ZNF326: variants seen among roughly 807,000 people sequenced by gnomAD.
ZNF326 encodes the protein zinc finger protein 326.
In ZNF326, 30 loss-of-function variants were observed where a neutral mutation model predicts 63.1. The observed-to-expected ratio is 0.48, with a 90% CI of 0.36 to 0.64. The LOEUF is 0.64. Among genes scored for constraint, ZNF326 ranks in the 30% least tolerant of loss-of-function variants. ZNF326 has a pLI of 0.00. For synonymous variants in ZNF326, 194 were observed against 228.2 expected, an observed-to-expected ratio of 0.85 and a Z score of 1.35; for missense variants, 609 against 720.3, an observed-to-expected ratio of 0.85 and a Z score of 1.77.
intron 7 of ZNF326, among the ~76,000 whole-genome samples, chr1:90,016,521 G>C (rs767508161): frequency 3.3e-5 from 5 of 151,984 alleles, no homozygotes; most frequent in Non-Finnish European, 7.4e-5. Flanking sequence ...TTCAAGACCA[G>C]CCTGGCCAAG....
rs1648291125 is a variant in ZNF326 at position 89,995,280 on chromosome 1, G to A, written c.16+7G>A. ...GCCATGGACTTCGAGGACGGTAAGCGCTGCCTCTGGCTGGTCGGCGCAGCT... is the reference window on the plus strand; with the variant it reads ...GCCATGGACTTCGAGGACGGTAAGCACTGCCTCTGGCTGGTCGGCGCAGCT... On this transcript the variant is annotated splice_region_variant and intron_variant, in intron 1 of 11. Transcript: ENST00000340281. 1.3e-6 allele frequency: 2 copies of A among 1,549,668 alleles called. No individual in the cohort carries two copies. Among genetic ancestry groups the A allele is most frequent in the Admixed American group, 1.9e-5 (1 of 51,718 alleles).
At position 90,033,929 on chromosome 1, in the gene ZNF326, AGAAGT is replaced by A. The variant is rs966054072; in HGVS notation, c.*6233_*6237del. Reference sequence around the variant, plus strand: ...TAGAGGAGTTCCAGAAAGTGAAAAAAGAAGTGAAGAATAGGAAAAAAAAAAAAATC... The same window carrying A: ...TAGAGGAGTTCCAGAAAGTGAAAAAAGAAGAATAGGAAAAAAAAAAAAATC... On this transcript the variant is annotated 3_prime_UTR_variant, in exon 12 of 12. Coordinates refer to ENST00000340281, the MANE Select transcript of ZNF326 (RefSeq NM_182976.4). 15 of 148,742 alleles carry A rather than the reference AGAAGT, an allele frequency of 1.0e-4. No individual in the cohort carries two copies. The highest frequency in any genetic ancestry group is 3.1e-4 in the African/African-American group (12 of 38,336). 9.2% of individuals were successfully genotyped at this position (148,742 alleles called of 1,614,324 possible). A position where few individuals can be genotyped will look rare whatever the true frequency, so the allele number is the denominator to read the frequency against.
At chr1:90,014,845 TTTAAA>T (rs1216747723) in intron 7 of ZNF326, among the ~76,000 whole-genome samples, 5 of 152,172 alleles carry the variant, frequency 3.3e-5, no homozygotes, top group Admixed American at 1.3e-4. Context: ...TAGAAATGAC[TTTAAA>T]TTATCAGCGT....
At chr1:90,006,135 T>G (rs1045089561) in intron 4 of ZNF326, 2 of 985,324 alleles carry the variant, frequency 2.0e-6, no homozygotes, top group Non-Finnish European at 2.4e-6. Flanking sequence ...CTGCTTCCAG[T>G]GTACCACTAT....
chr1:90,017,806 G>A (rs1466785537), intron 8 of ZNF326, among the ~76,000 whole-genome samples: 1 of 152,132 alleles, frequency 6.6e-6, no homozygotes, highest in African/African-American at 2.4e-5. Flanking sequence ...TTTTTATCAT[G>A]AAAGATTATG....
At chr1:90,022,413 T>A in intron 11 of ZNF326, 68 bp downstream of exon 11, 1 of 1,141,878 alleles carries the variant, frequency 8.8e-7, no homozygotes, top group Non-Finnish European at 1.3e-6. Flanking sequence ...GGTGACATAG[T>A]AACCTTTTGT....
Position 90,030,965 on chromosome 1 carries a change from A to T in ZNF326, c.*3264A>T, listed in dbSNP as rs2101107986. 1 of 152,312 alleles carries T rather than the reference A, an allele frequency of 6.6e-6. No homozygotes were observed. The highest frequency in any genetic ancestry group is 3.4e-3 in the Middle Eastern group (1 of 296). 9.4% of individuals were successfully genotyped at this position (152,312 alleles called of 1,614,324 possible). A position where few individuals can be genotyped will look rare whatever the true frequency, so the allele number is the denominator to read the frequency against. On this transcript the variant is annotated 3_prime_UTR_variant, in exon 12 of 12. Coordinates refer to ENST00000340281, the MANE Select transcript of ZNF326 (RefSeq NM_182976.4). ...GCATGAGCCACCACGCCTATCCTGG[A>T]GGTGATATATTTTTAACAAATATCT... is the stretch of plus-strand genomic sequence containing the variant.
chr1:90,010,133 G>C lies in ZNF326; in HGVS notation c.661G>C (p.Asp221His). The C allele has an allele frequency of 1.2e-6, 2 of 1,613,700 alleles. No individual in the cohort carries two copies. The highest frequency in any genetic ancestry group is 1.7e-6 in the Non-Finnish European group (2 of 1,179,798). Residue 221 changes from aspartate (D) to histidine (H), a missense_variant, in exon 6 of 12, where the codon GAC (aspartate) becomes CAC (histidine). This residue lies in a region of ZNF326 where 399 missense variants were observed against 444.3 expected (regional missense o/e 0.90). Transcript: ENST00000340281. ...CATTCATAGACCCGGAATTGTTGTT[G>C]ACTATCAAAACAAATCCACCAATGT... Reference protein sequence around the residue: ...GSIHRPGIVVDYQNKSTNVTV... With the variant: ...GSIHRPGIVVHYQNKSTNVTV...
chr1:89,998,262 T>C (rs1436555024), intron 2 of ZNF326, 108 bp downstream of exon 2: 4 of 976,596 alleles, frequency 4.1e-6, no homozygotes, highest in Non-Finnish European at 6.2e-6. Context: ...TGATATATCA[T>C]TTATGTGTTA....
chr1:89,998,296 T>C (rs1186268983), intron 2 of ZNF326, 142 bp downstream of exon 2: 3 of 690,158 alleles, frequency 4.3e-6, no homozygotes, highest in Non-Finnish European at 6.9e-6. Context: ...ATATATAGTA[T>C]TTGAATTGGG....
rs185645683 is a variant in ZNF326 at position 90,006,990 on chromosome 1, T to G, written c.210-355T>G. Among the ~76,000 whole-genome samples, 313 of 152,322 alleles carry G rather than the reference T, an allele frequency of 2.1e-3. 1 individual carries two copies. The highest frequency in any genetic ancestry group is 7.3e-3 in the African/African-American group (302 of 41,570). On this transcript the variant is annotated intron_variant, in intron 4 of 11. Coordinates refer to ENST00000340281, the MANE Select transcript of ZNF326 (RefSeq NM_182976.4). ...AATATTAGGGATAGATTCAAAAAAG[T>G]TTGAATAGTTTGTGAACTTTAGCAA...
chr1:90,010,376 C>A, intron 6 of ZNF326, 90 bp downstream of exon 6: 1 of 1,292,398 alleles, frequency 7.7e-7, no homozygotes, highest in Non-Finnish European at 1.1e-6. Context: ...TGTTTATATA[C>A]AGAAACTACA....
intron 11 of ZNF326, among the ~76,000 whole-genome samples, chr1:90,026,423 A>C (rs1650020029): frequency 1.3e-5 from 2 of 152,186 alleles, no homozygotes; most frequent in South Asian, 4.1e-4. Context: ...AAATGTAAAT[A>C]TCTTATTCTG....
At chr1:90,004,888 A>AAATGTT in intron 2 of ZNF326, 115 bp from the exon 3 acceptor site, 1 of 582,292 alleles carries the variant, frequency 1.7e-6, no homozygotes, top group Non-Finnish European at 2.5e-6. Flanking sequence ...AATTTAGTTT[A>AAATGTT]AATGTTAATG....
At chr1:90,009,974 A>G in intron 5 of ZNF326, 114 bp from the exon 6 acceptor site, 1 of 1,000,496 alleles carries the variant, frequency 1.0e-6, no homozygotes, top group Non-Finnish European at 1.5e-6. Flanking sequence ...ATTTAGTTAC[A>G]TTCCAGGGAA....
chr1:90,010,316 C>G, intron 6 of ZNF326, 30 bp downstream of exon 6: 1 of 1,590,768 alleles, frequency 6.3e-7, no homozygotes, highest in Non-Finnish European at 8.6e-7. Context: ...TGCTATGATT[C>G]AGGATACTTT....
intron 11 of ZNF326, among the ~76,000 whole-genome samples, chr1:90,022,801 C>A (rs1649839075): frequency 6.6e-6 from 1 of 152,320 alleles, no homozygotes; most frequent in East Asian, 1.9e-4. Context: ...TGTACCTTTT[C>A]TGTCACTAGG....
Position 90,013,223 on chromosome 1 carries a change from C to A in ZNF326, c.912C>A (p.Tyr304Ter). ...GAAGAGAAAAAAACAGTGAGAAATA[C>A]GGAGATGGATACAGGTTTGTACTTA... ...RRRREKNSEK[Y>*]GDGYRMAFTC... Residue 304 changes from tyrosine to a stop codon, truncating the protein, a stop_gained, in exon 7 of 12, where the codon TAC becomes TAA. Transcript: ENST00000340281. LOFTEE classifies it high-confidence loss of function. 6.2e-7 allele frequency: 1 copy of A among 1,606,118 alleles called. No individual in the cohort carries two copies. The highest frequency in any genetic ancestry group is 8.5e-7 in the Non-Finnish European group (1 of 1,176,188).
At chr1:90,011,330 A>C (rs1480807788) in intron 6 of ZNF326, among the ~76,000 whole-genome samples, 1 of 152,186 alleles carries the variant, frequency 6.6e-6, no homozygotes, top group East Asian at 1.9e-4. Flanking sequence ...GTGACTTTAT[A>C]GAAAATTAGT....
Sources: allele counts gnomAD v4.1 joint callset (sites outside exome capture counted in the v4.1 genomes callset), GRCh38; gene constraint gnomAD v4.1.1; regional missense constraint gnomAD v4.1.1; transcripts MANE v1.5; gene names NCBI Gene and HGNC (gene_info 2026-07-23, HGNC 2026-07-21).